Variants in COL17A1 observed in about 807,000 individuals in gnomAD.
COL17A1 encodes collagen alpha-1(XVII) chain.
Under a neutral mutation model 218.4 loss-of-function variants are expected in COL17A1, and 181 were observed. That is an observed-to-expected ratio of 0.83 (90% CI 0.73 to 0.94). The LOEUF (loss-of-function observed/expected upper bound fraction) is 0.94. Among genes scored for constraint, COL17A1 ranks in the 40% least tolerant of loss-of-function variants. The probability of loss-of-function intolerance (pLI) is 0.00; values close to 1 mark genes in which losing one functional copy is unlikely to be tolerated. For missense variants in COL17A1, 1,924 were observed against 1,945.9 expected, an observed-to-expected ratio of 0.99 and a Z score of 0.21; for synonymous variants, 721 against 731.0, an observed-to-expected ratio of 0.99 and a Z score of 0.22.
In COL17A1 at chr10:104,060,152, C is replaced by A. The variant is rs1412183995; in HGVS notation, c.1108G>T (p.Val370Phe). The A allele has an allele frequency of 6.8e-6, 11 of 1,614,024 alleles. No homozygotes were observed. Among genetic ancestry groups the A allele is most frequent in the Non-Finnish European group, 9.3e-6 (11 of 1,180,040 alleles). Reference protein sequence around the residue: ...LLIMTKDSGKVFTASPASIAA... With the variant: ...LLIMTKDSGKFFTASPASIAA... ...ATGCTGGCAGGGGAGGCTGTAAAGA[C>A]CTTCCCGCTGTCCTTGGTCATGATG... Residue 370 changes from valine (V) to phenylalanine (F), a missense_variant, in exon 14 of 56, where the codon GTC (valine) becomes TTC (phenylalanine). Physicochemically the swap from Val to Phe is conservative, Grantham distance 50 (BLOSUM62 -1). Coordinates refer to ENST00000648076, the MANE Select transcript of COL17A1 (RefSeq NM_000494.4).
Position 104,045,784 on chromosome 10 carries a change from C to T in COL17A1, c.2372G>A (p.Gly791Asp), listed in dbSNP as rs142017196. 8.1e-6 allele frequency: 13 copies of T among 1,612,660 alleles called. No individual in the cohort carries two copies. The highest frequency in any genetic ancestry group is 1.0e-5 in the Non-Finnish European group (12 of 1,178,606). Residue 791 changes from glycine (G) to aspartate (D), a missense_variant, in exon 33 of 56, where the codon GGT becomes GAT. Coordinates refer to ENST00000648076, the MANE Select transcript of COL17A1 (RefSeq NM_000494.4). The part of the protein sequence containing the change: ...TGPQGPQGLP[G>D]TPGRPGIKGE... ...TTTTATTCCTGGTCGGCCAGGGGTA[C>T]CGGGAAGTCCTGATGTGATTAGAAC...
chr10:104,072,217 G>T, intron 7 of COL17A1, 138 bp from the exon 8 acceptor site: 1 of 1,331,012 alleles, frequency 7.5e-7, no homozygotes, highest in Non-Finnish European at 1.0e-6. Flanking sequence ...ATCTAGGTGT[G>T]CCCAAGAAGA....
chr10:104,073,330 G>A lies in COL17A1; in HGVS notation c.380-85C>T, dbSNP rs900871341. ...TGACATGGAGGCAGATATATTTGGGGAGGGGTTACTTTCATAGTGTGTCTA... is the reference window on the plus strand; with the variant it reads ...TGACATGGAGGCAGATATATTTGGGAAGGGGTTACTTTCATAGTGTGTCTA... On this transcript the variant is annotated intron_variant, in intron 6 of 55. Coordinates refer to ENST00000648076, the MANE Select transcript of COL17A1 (RefSeq NM_000494.4). 3 of 1,242,442 alleles carry A rather than the reference G, an allele frequency of 2.4e-6. No homozygotes were observed. The African/African-American group carries it at 4.5e-5, about 18-fold the overall frequency. The allele number at this position is 1,242,442 out of a possible 1,614,324, so 77.0% of individuals were successfully genotyped here.
chr10:104,036,962 G>C, intron 47 of COL17A1, 83 bp downstream of exon 47: 1 of 1,302,274 alleles, frequency 7.7e-7, no homozygotes, highest in Non-Finnish European at 1.1e-6. Flanking sequence ...CCAAGGCTCA[G>C]ACGAGGACAA....
rs990155665 is a variant in COL17A1 at position 104,076,298 on chromosome 10, T to C, written c.331+3A>G. On this transcript the variant is annotated splice_donor_region_variant and intron_variant, in intron 5 of 55. Transcript: ENST00000648076. ...TCTCTTGTATGGTTAGTGGGACTGA[T>C]ACCTTCATACGCATGGCGGGTAACG... 7.4e-6 allele frequency: 12 copies of C among 1,614,002 alleles called. No homozygotes were observed. The South Asian group carries it at 1.2e-4, about 16-fold the overall frequency.
In COL17A1 at chr10:104,037,031, C is replaced by G. The variant is rs139559830; in HGVS notation, c.3277+14G>C. 1.5e-4 allele frequency: 233 copies of G among 1,599,576 alleles called. No homozygotes were observed. In the African/African-American group the frequency reaches 2.8e-3, roughly 19 times the overall value. On this transcript the variant is annotated intron_variant, in intron 47 of 55. Transcript: ENST00000648076. Reference sequence around the variant, plus strand: ...AAGATAGTCCCACCCTCGATCCCCCCACAGGTGACTCACGCTGCAGCACAG... The same window carrying G: ...AAGATAGTCCCACCCTCGATCCCCCGACAGGTGACTCACGCTGCAGCACAG...
intron 48 of COL17A1, among the ~76,000 whole-genome samples, chr10:104,036,093 T>A (rs1294510722): frequency 3.6e-4 from 2 of 5,590 alleles, no homozygotes; most frequent in East Asian, 9.4e-3. Context: ...TATGGGAGTG[T>A]GTGTGTATGG....
chr10:104,045,131 G>A (rs1434025513), intron 33 of COL17A1, among the ~76,000 whole-genome samples: 2 of 152,156 alleles, frequency 1.3e-5, no homozygotes, highest in African/African-American at 2.4e-5. Context: ...ACTTGCTCGG[G>A]GTTGAGGTCT....
chr10:104,034,374 CGGT>C, intron 51 of COL17A1, 40 bp from the exon 52 acceptor site: 1 of 1,531,566 alleles, frequency 6.5e-7, no homozygotes, highest in Non-Finnish European at 8.7e-7. Context: ...GCTCAGATCT[CGGT>C]GGAGAGAAAG....
intron 2 of COL17A1, among the ~76,000 whole-genome samples, chr10:104,079,403 G>A (rs1012533105): frequency 6.6e-6 from 1 of 152,160 alleles, no homozygotes; most frequent in Non-Finnish European, 1.5e-5. Flanking sequence ...GTGTGTGTGT[G>A]TGGCATGCAT....
chr10:104,034,457 C>G (rs1245848492), intron 51 of COL17A1, 123 bp from the exon 52 acceptor site: 1 of 1,473,174 alleles, frequency 6.8e-7, no homozygotes, highest in East Asian at 2.5e-5. Context: ...CTTCAGGGTT[C>G]TTGTACCCGA....
Position 104,073,248 on chromosome 10 carries a change from G to A in COL17A1, c.380-3C>T. 2.5e-6 allele frequency: 4 copies of A among 1,613,646 alleles called. No individual in the cohort carries two copies. Among genetic ancestry groups the A allele is most frequent in the Non-Finnish European group, 3.4e-6 (4 of 1,179,694 alleles). ...CCGTCCTCTGGTTGAAGAAGATGCT[G>A]AGAAACAAAGAAATGCATTTTTAGG... On this transcript the variant is annotated splice_region_variant and splice_polypyrimidine_tract_variant and intron_variant, in intron 6 of 55. Coordinates refer to ENST00000648076, the MANE Select transcript of COL17A1 (RefSeq NM_000494.4).
Position 104,048,308 on chromosome 10 carries a change from G to A in COL17A1, c.2228-204C>T, listed in dbSNP as rs901316099. 8 of 730,344 alleles carry A rather than the reference G, an allele frequency of 1.1e-5. No homozygotes were observed. In the African/African-American group the frequency reaches 1.2e-4, roughly 11 times the overall value. The allele number at this position is 730,344 out of a possible 1,614,324, so 45.2% of individuals were successfully genotyped here. A position where few individuals can be genotyped will look rare whatever the true frequency, so the allele number is the denominator to read the frequency against. On this transcript the variant is annotated intron_variant, in intron 29 of 55. Coordinates refer to ENST00000648076, the MANE Select transcript of COL17A1 (RefSeq NM_000494.4). ...TAAACCAGCAATTGTCTCTTTTCCT[G>A]TTGAGAATTGTTCAGTGCCTTCCCA...
At chr10:104,033,158 T>C in intron 53 of COL17A1, 80 bp downstream of exon 53, 15 of 1,544,746 alleles carry the variant, frequency 9.7e-6, no homozygotes, top group Non-Finnish European at 1.3e-5. Flanking sequence ...AGATTTCTCA[T>C]GAGACTGGTG....
chr10:104,057,430 ACATGGGGTT>A (rs2086540925), intron 16 of COL17A1, among the ~76,000 whole-genome samples: 1 of 151,808 alleles, frequency 6.6e-6, no homozygotes, highest in Non-Finnish European at 1.5e-5. Flanking sequence ...CGTTTTTATA[ACATGGGGTT>A]AAAAGATTGC....
At chr10:104,063,342 T>C (rs1589572019) in intron 11 of COL17A1, among the ~76,000 whole-genome samples, 1 of 152,362 alleles carries the variant, frequency 6.6e-6, no homozygotes, top group African/African-American at 2.4e-5. Flanking sequence ...CAACAAACTA[T>C]GTGTTATATT....
chr10:104,074,358 G>T (rs2086692196), intron 5 of COL17A1, 127 bp from the exon 6 acceptor site: 2 of 1,351,728 alleles, frequency 1.5e-6, no homozygotes, highest in Non-Finnish European at 1.0e-6. Context: ...GGGGAATGAG[G>T]TATGCTCTTC....
intron 48 of COL17A1, among the ~76,000 whole-genome samples, chr10:104,036,049 A>AGTGTATGGGT (rs2086287122): frequency 3.2e-5 from 1 of 31,590 alleles, no homozygotes. Flanking sequence ...TGTGTATAGG[A>AGTGTATGGGT]GTGTGTGTAT....
chr10:104,033,777 C>T (rs2086240870), intron 52 of COL17A1, among the ~76,000 whole-genome samples, 168 bp downstream of exon 52: 1 of 152,172 alleles, frequency 6.6e-6, no homozygotes, highest in Non-Finnish European at 1.5e-5. Flanking sequence ...GACTGGGGCT[C>T]CTTAAGCTGA....
Sources: allele counts gnomAD v4.1 joint callset (sites outside exome capture counted in the v4.1 genomes callset), GRCh38; gene constraint gnomAD v4.1.1; transcripts MANE v1.5; gene names NCBI Gene and HGNC (gene_info 2026-07-23, HGNC 2026-07-21).